PELI2: variants seen among roughly 807,000 people sequenced by gnomAD.
PELI2 encodes the protein E3 ubiquitin-protein ligase pellino homolog 2.
In PELI2, 23 loss-of-function variants were observed where a neutral mutation model predicts 42.3. That is an observed-to-expected ratio of 0.54 (90% CI 0.39 to 0.77). The LOEUF is 0.77. PELI2 is among the 30% of genes least tolerant of loss of function. PELI2 has a pLI of 0.00. For synonymous variants in PELI2, 245 were observed against 212.2 expected (o/e 1.15, Z -1.34); for missense variants, 463 against 553.2 (o/e 0.84, Z 1.64).
chr14:56,266,441 G>A (rs1888907273), intron 2 of PELI2, among the ~76,000 whole-genome samples: 1 of 151,888 alleles, frequency 6.6e-6, no homozygotes, highest in South Asian at 2.1e-4. Flanking sequence ...TGAGCAAAGG[G>A]TATAAGCTGT....
intron 1 of PELI2, among the ~76,000 whole-genome samples, chr14:56,154,776 T>C (rs1884488428): frequency 6.6e-6 from 1 of 152,206 alleles, no homozygotes; most frequent in Non-Finnish European, 1.5e-5. Flanking sequence ...ACCCTTCAAA[T>C]TAGAATTATT....
At chr14:56,249,594 C>T (rs529839119) in intron 2 of PELI2, among the ~76,000 whole-genome samples, 4 of 152,242 alleles carry the variant, frequency 2.6e-5, no homozygotes, top group Non-Finnish European at 5.9e-5. Context: ...TCTTTGTAAC[C>T]CCAGTACTGA....
chr14:56,247,384 T>C (rs2139807631), intron 2 of PELI2, among the ~76,000 whole-genome samples: 1 of 152,240 alleles, frequency 6.6e-6, no homozygotes, highest in East Asian at 1.9e-4. Context: ...GATGGATGTT[T>C]AGGTTGTCTG....
At chr14:56,237,364 A>T (rs1321762615) in intron 2 of PELI2, among the ~76,000 whole-genome samples, 2 of 152,160 alleles carry the variant, frequency 1.3e-5, no homozygotes, top group East Asian at 3.9e-4. Context: ...GCAGAAACGC[A>T]TCCACACCTT....
intron 2 of PELI2, among the ~76,000 whole-genome samples, chr14:56,255,225 T>G (rs532839433): frequency 2.0e-5 from 3 of 152,188 alleles, no homozygotes; most frequent in Non-Finnish European, 4.4e-5. Context: ...AGCAAAGACT[T>G]GGAACCAACC....
At chr14:56,146,993 T>A (rs1186534247) in intron 1 of PELI2, among the ~76,000 whole-genome samples, 1 of 152,214 alleles carries the variant, frequency 6.6e-6, no homozygotes, top group African/African-American at 2.4e-5. Flanking sequence ...ACCACTGATC[T>A]GTGCTTTGTC....
In PELI2 at chr14:56,290,269, A is replaced by G; in HGVS notation, c.509A>G (p.Glu170Gly). 6.3e-7 allele frequency: 1 copy of G among 1,581,700 alleles called. No homozygotes were observed. Among genetic ancestry groups the G allele is most frequent in the East Asian group, 2.3e-5 (1 of 44,354 alleles). ...FDSSKNIFLG[E>G]KAAKWKNPDG... The stretch of plus-strand genomic sequence containing the variant: ...TCTGTTCTGCTGTGTTCTCTCCAGG[A>G]AAAGGCAGCAAAGTGGAAAAACCCC... The change falls in exon 5 of 6, where the codon GAA (glutamate) becomes GGA (glycine). Residue 170 changes from glutamate (E) to glycine (G), a missense_variant and splice_region_variant. This residue lies in a region of PELI2 where 343 missense variants were observed against 378.4 expected (regional missense o/e 0.91). Transcript: ENST00000267460.
chr14:56,227,707 A>G (rs1226259885), intron 2 of PELI2, among the ~76,000 whole-genome samples: 6 of 152,230 alleles, frequency 3.9e-5, no homozygotes, highest in African/African-American at 1.4e-4. Flanking sequence ...CTCGGTTTCT[A>G]TATATCATTC....
At position 56,292,924 on chromosome 14, in the gene PELI2, T is replaced by C. The variant is rs1020209879; in HGVS notation, c.696+2468T>C. ...CTTGAGTATTTAATTAAATTATATA[T>C]GAAGTATTTTATTAAACTAAACTGG... On this transcript the variant is annotated intron_variant, in intron 5 of 5. Transcript: ENST00000267460. The C allele has an allele frequency of 4.9e-6, 3 of 614,806 alleles. No individual in the cohort carries two copies. The African/African-American group carries it at 6.0e-5, about 12-fold the overall frequency. 38.1% of individuals were successfully genotyped at this position (614,806 alleles called of 1,614,324 possible).
chr14:56,269,268 C>T (rs1889015943), intron 2 of PELI2, among the ~76,000 whole-genome samples: 1 of 151,906 alleles, frequency 6.6e-6, no homozygotes, highest in Admixed American at 6.6e-5. Flanking sequence ...TGGAGAAAAC[C>T]CATCTCTACA....
At chr14:56,128,290 CATTA>C (rs1883353532) in intron 1 of PELI2, among the ~76,000 whole-genome samples, 1 of 152,148 alleles carries the variant, frequency 6.6e-6, no homozygotes, top group African/African-American at 2.4e-5. Flanking sequence ...AGCAACAAAT[CATTA>C]ATTAGGGTGT....
chr14:56,223,024 A>G (rs548963497), intron 2 of PELI2, among the ~76,000 whole-genome samples: 1 of 152,280 alleles, frequency 6.6e-6, no homozygotes, highest in South Asian at 2.1e-4. Flanking sequence ...AAGGAGAGGA[A>G]GGGGTAAATG....
At chr14:56,277,400 T>A (rs1889332933) in intron 2 of PELI2, among the ~76,000 whole-genome samples, 1 of 151,894 alleles carries the variant, frequency 6.6e-6, no homozygotes, top group African/African-American at 2.4e-5. Flanking sequence ...TGCCTGATGA[T>A]CTGTCAGTAT....
chr14:56,119,707 G>T, intron 1 of PELI2: 3 of 911,694 alleles, frequency 3.3e-6, no homozygotes, highest in Non-Finnish European at 3.9e-6. Context: ...AGGGGAGGGG[G>T]AAGGGGGAAG....
At chr14:56,185,209 T>G (rs1257927364) in intron 2 of PELI2, among the ~76,000 whole-genome samples, 1 of 152,174 alleles carries the variant, frequency 6.6e-6, no homozygotes, top group Non-Finnish European at 1.5e-5. Context: ...CTCTATTACA[T>G]TTCCATTAAT....
chr14:56,165,918 G>A (rs1311443490), intron 1 of PELI2, among the ~76,000 whole-genome samples: 1 of 151,974 alleles, frequency 6.6e-6, no homozygotes, highest in African/African-American at 2.4e-5. Context: ...GATGAAGCTT[G>A]TTTGTTGTAG....
intron 1 of PELI2, among the ~76,000 whole-genome samples, chr14:56,156,603 A>G (rs1198422577): frequency 6.6e-6 from 1 of 152,234 alleles, no homozygotes; most frequent in African/African-American, 2.4e-5. Context: ...AGCACTGTCC[A>G]GTGTAACTTT....
chr14:56,194,012 T>A (rs994113876), intron 2 of PELI2, among the ~76,000 whole-genome samples: 8 of 152,020 alleles, frequency 5.3e-5, no homozygotes, highest in African/African-American at 1.9e-4. Flanking sequence ...TGTTGGGGGG[T>A]CTTAATTTGG....
chr14:56,291,590 G>T (rs959085980), intron 5 of PELI2, among the ~76,000 whole-genome samples: 2 of 152,194 alleles, frequency 1.3e-5, no homozygotes, highest in Non-Finnish European at 2.9e-5. Flanking sequence ...AAATGTGAAA[G>T]CAGTTTTTCT....
Sources: allele counts gnomAD v4.1 joint callset (sites outside exome capture counted in the v4.1 genomes callset), GRCh38; gene constraint gnomAD v4.1.1; regional missense constraint gnomAD v4.1.1; transcripts MANE v1.5; gene names NCBI Gene and HGNC (gene_info 2026-07-23, HGNC 2026-07-21).